MAST4: variants seen among roughly 807,000 people sequenced by gnomAD.
MAST4 encodes the protein microtubule-associated serine/threonine-protein kinase 4.
Under a neutral mutation model 162.7 loss-of-function variants are expected in MAST4, and 89 were observed. The observed-to-expected ratio is 0.55, with a 90% CI of 0.46 to 0.65. The LOEUF is 0.65. MAST4 is among the 30% of genes least tolerant of loss of function. The probability of loss-of-function intolerance (pLI) is 0.00; values close to 1 mark genes in which losing one functional copy is unlikely to be tolerated. For missense variants in MAST4, 3,153 were observed against 3,374.0 expected (o/e 0.93, Z 1.62); for synonymous variants, 1,479 against 1,361.1 (o/e 1.09, Z -1.91).
chr5:67,095,576 C>T, intron 6 of MAST4, 21 bp from the exon 7 acceptor site: 1 of 1,594,248 alleles, frequency 6.3e-7, no homozygotes, highest in Non-Finnish European at 8.6e-7. Context: ...TTGGCCTAAG[C>T]TAAACTCACT....
At chr5:66,601,741 G>A (rs371491279) in intron 1 of MAST4, among the ~76,000 whole-genome samples, 4 of 152,142 alleles carry the variant, frequency 2.6e-5, no homozygotes, top group African/African-American at 9.7e-5. Flanking sequence ...AGCAGCAGCC[G>A]GGTCATACAG....
At chr5:66,618,512 G>A (rs989908597) in intron 1 of MAST4, among the ~76,000 whole-genome samples, 1 of 152,098 alleles carries the variant, frequency 6.6e-6, no homozygotes, top group Non-Finnish European at 1.5e-5. Context: ...GTATGCTTTT[G>A]CTTAAATTTA....
rs58314259 is a variant in MAST4, at chr5:66,599,918, G to GGTGTGTGTGTGT, written c.363+2913_363+2924dup. On this transcript the variant is annotated intron_variant, in intron 1 of 28. Coordinates refer to ENST00000403625, the MANE Select transcript of MAST4 (RefSeq NM_001164664.2). The stretch of plus-strand genomic sequence containing the variant: ...TTGGGAAATTGATTATTTCTAAAGG[G>GGTGTGTGTGTGT]GTGTGTGTGTGTGTGTGTGTGTGTT... Among the ~76,000 whole-genome samples, 448 of 150,084 alleles carry GGTGTGTGTGTGT rather than the reference G, an allele frequency of 3.0e-3. 1 individual carries two copies. The highest frequency in any genetic ancestry group is 6.9e-3 in the Middle Eastern group (2 of 288).
intron 4 of MAST4, among the ~76,000 whole-genome samples, chr5:67,021,521 C>T (rs941068576): frequency 3.3e-5 from 5 of 152,110 alleles, no homozygotes; most frequent in Non-Finnish European, 5.9e-5. Flanking sequence ...AATCTTAAAC[C>T]AGGAATTTCT....
intron 1 of MAST4, among the ~76,000 whole-genome samples, chr5:66,710,156 C>T (rs566090219): frequency 6.6e-6 from 1 of 152,314 alleles, no homozygotes; most frequent in Non-Finnish European, 1.5e-5. Flanking sequence ...CATTTCTCTC[C>T]TGGATTTAGT....
chr5:66,755,202 AAG>A (rs1753458282), intron 1 of MAST4, among the ~76,000 whole-genome samples: 1 of 152,168 alleles, frequency 6.6e-6, no homozygotes, highest in Non-Finnish European at 1.5e-5. Context: ...TGTATTTTGG[AAG>A]TTGAGCCTGG....
At chr5:66,731,515 A>AT (rs1319626758) in intron 1 of MAST4, among the ~76,000 whole-genome samples, 1 of 151,512 alleles carries the variant, frequency 6.6e-6, no homozygotes, top group African/African-American at 2.5e-5. Context: ...AAAGAAAAAA[A>AT]TAGGTGCCCA....
Position 67,152,782 on chromosome 5 carries a change from G to A in MAST4, c.3441G>A (p.Ser1147=), listed in dbSNP as rs377567041. ...SPHQPIVIHS[S]GKNYGFTIRA... ...ATCAGCCGATTGTGATCCACAGTTCGGGGAAGAACTACGGCTTTACCATCC... is the reference window on the plus strand; with the variant it reads ...ATCAGCCGATTGTGATCCACAGTTCAGGGAAGAACTACGGCTTTACCATCC... Residue 1147 remains serine (S), a synonymous_variant, in exon 25 of 29, where the codon TCG becomes TCA. Transcript: ENST00000403625. The A allele has an allele frequency of 6.8e-5, 110 of 1,614,040 alleles. No individual in the cohort carries two copies. The highest frequency in any genetic ancestry group is 6.4e-4 in the South Asian group (58 of 91,082).
chr5:66,713,591 A>G (rs369864680), intron 1 of MAST4, among the ~76,000 whole-genome samples: 1 of 152,310 alleles, frequency 6.6e-6, no homozygotes, highest in African/African-American at 2.4e-5. Flanking sequence ...TTTCCGTTGC[A>G]TTTCTTCTTC....
intron 1 of MAST4, among the ~76,000 whole-genome samples, chr5:66,622,093 G>GA (rs559685487): frequency 6.9e-4 from 103 of 149,416 alleles, no homozygotes; most frequent in South Asian, 3.2e-3. Context: ...ACCCTAAGGA[G>GA]AAAAAAAAAA....
chr5:66,971,092 C>T (rs1306922021), intron 4 of MAST4, among the ~76,000 whole-genome samples: 1 of 152,132 alleles, frequency 6.6e-6, no homozygotes, highest in African/African-American at 2.4e-5. Context: ...TGGTCATTTT[C>T]ATTTGCATTC....
At chr5:66,893,574 G>A (rs1037760052) in intron 3 of MAST4, among the ~76,000 whole-genome samples, 1 of 152,108 alleles carries the variant, frequency 6.6e-6, no homozygotes, top group African/African-American at 2.4e-5. Context: ...ATATATGAAA[G>A]TGCATTATGA....
At chr5:66,989,554 C>T (rs911122915) in intron 4 of MAST4, among the ~76,000 whole-genome samples, 1 of 152,100 alleles carries the variant, frequency 6.6e-6, no homozygotes, top group Non-Finnish European at 1.5e-5. Context: ...AACCCCTATC[C>T]ACAAACAAGC....
chr5:66,611,053 TA>T (rs1273383558), intron 1 of MAST4, among the ~76,000 whole-genome samples: 3 of 152,220 alleles, frequency 2.0e-5, no homozygotes, highest in African/African-American at 7.2e-5. Flanking sequence ...AACCAAGTGC[TA>T]TTACTAGAAA....
chr5:66,901,005 C>CTA (rs1199772907), intron 4 of MAST4, among the ~76,000 whole-genome samples: 1 of 152,092 alleles, frequency 6.6e-6, no homozygotes, highest in African/African-American at 2.4e-5. Context: ...TCTCCCTGTG[C>CTA]TAGAGTTTAA....
chr5:67,142,278 C>T (rs756103205), intron 20 of MAST4, 41 bp downstream of exon 20: 2 of 1,602,548 alleles, frequency 1.2e-6, no homozygotes, highest in East Asian at 4.5e-5. Context: ...TTGGCCTTTA[C>T]TCGATAAATA....
chr5:66,920,434 C>T lies in MAST4; in HGVS notation c.674+20452C>T, dbSNP rs71626475. 2.2e-4 allele frequency among the ~76,000 whole-genome samples: 34 copies of T among 151,996 alleles called. No homozygotes were observed. In the South Asian group the frequency reaches 2.5e-3, roughly 11 times the overall value. ...TACAAGTAGAATCAGATTTAAAAAC[C>T]GTAAAAATCAATAAATAACAGGTAT... is the stretch of plus-strand genomic sequence containing the variant. On this transcript the variant is annotated intron_variant, in intron 4 of 28. Coordinates refer to ENST00000403625, the MANE Select transcript of MAST4 (RefSeq NM_001164664.2).
chr5:66,964,684 C>T (rs1746467993), intron 4 of MAST4, among the ~76,000 whole-genome samples: 1 of 152,126 alleles, frequency 6.6e-6, no homozygotes, highest in Non-Finnish European at 1.5e-5. Context: ...GCCTTAGTCC[C>T]AGCTACCCCA....
Position 67,165,267 on chromosome 5 carries a change from C to A in MAST4, c.6088C>A (p.Gln2030Lys), listed in dbSNP as rs758461114. The A allele has an allele frequency of 1.2e-6, 2 of 1,613,320 alleles. No homozygotes were observed. Among genetic ancestry groups the A allele is most frequent in the South Asian group, 2.2e-5 (2 of 91,072 alleles). ...RTHPDFYTQT[Q>K]AMEKAWAPGG... ...CCACCCAGATTTCTATACACAGACCCAGGCCATGGAGAAAGCATGGGCGCC... is the reference window on the plus strand; with the variant it reads ...CCACCCAGATTTCTATACACAGACCAAGGCCATGGAGAAAGCATGGGCGCC... The change falls in exon 29 of 29, where the codon CAG (glutamine) becomes AAG (lysine). Residue 2030 changes from glutamine to lysine, a missense_variant. By Grantham distance (53) the Gln-to-Lys change is moderately conservative. This residue lies in a region of MAST4 where 1,644 missense variants were observed against 1,495.0 expected (regional missense o/e 1.10). Coordinates refer to ENST00000403625, the MANE Select transcript of MAST4 (RefSeq NM_001164664.2).
Sources: gnomAD v4.1 joint callset for allele counts (sites outside exome capture counted in the v4.1 genomes callset) on GRCh38, gnomAD v4.1.1 for gene constraint, gnomAD v4.1.1 regional missense constraint, MANE v1.5 for transcripts, NCBI Gene and HGNC (gene_info 2026-07-23, HGNC 2026-07-21) for gene names.